PIGN: variants seen among roughly 807,000 people sequenced by gnomAD.
PIGN encodes phosphatidylinositol glycan anchor biosynthesis class N, also known as GPI ethanolamine phosphate transferase 1.
Under a neutral mutation model 125.4 loss-of-function variants are expected in PIGN, and 117 were observed. The observed-to-expected ratio is 0.93, with a 90% CI of 0.80 to 1.09. PIGN has a LOEUF of 1.09. Ranked by LOEUF, PIGN falls within the 50% of genes least tolerant of loss-of-function variation. The pLI is 0.00. For missense variants in PIGN, 1,075 were observed against 1,094.9 expected (o/e 0.98, Z 0.26); for synonymous variants, 392 against 377.8 (o/e 1.04, Z -0.44).
chr18:62,053,523 A>G (rs1178961698), intron 30 of PIGN, among the ~76,000 whole-genome samples: 2 of 152,224 alleles, frequency 1.3e-5, no homozygotes, highest in Admixed American at 6.5e-5. Flanking sequence ...AATAAAAAAC[A>G]TGACCGTGAC....
chr18:62,117,863 C>T (rs1347941463), intron 14 of PIGN, among the ~76,000 whole-genome samples: 2 of 152,024 alleles, frequency 1.3e-5, no homozygotes, highest in African/African-American at 4.8e-5. Context: ...TAATGATCTC[C>T]AGTTCCACCC....
chr18:62,171,318 A>T (rs1407135598), intron 1 of PIGN, among the ~76,000 whole-genome samples: 2 of 152,100 alleles, frequency 1.3e-5, no homozygotes, highest in African/African-American at 4.8e-5. Context: ...ATTGATCTTT[A>T]TATATTGACC....
intron 14 of PIGN, among the ~76,000 whole-genome samples, chr18:62,126,947 A>C (rs2035555799): frequency 6.6e-6 from 1 of 152,150 alleles, no homozygotes; most frequent in Non-Finnish European, 1.5e-5. Context: ...TACCTTAATG[A>C]TTCAACTTCC....
intron 14 of PIGN, among the ~76,000 whole-genome samples, chr18:62,122,144 A>G (rs2146788646): frequency 6.6e-6 from 1 of 152,288 alleles, no homozygotes; most frequent in South Asian, 2.1e-4. Context: ...TAGGATGACT[A>G]TGGTTAACAT....
chr18:62,085,970 A>G (rs934990944), intron 25 of PIGN, among the ~76,000 whole-genome samples: 8 of 152,236 alleles, frequency 5.3e-5, no homozygotes, highest in African/African-American at 1.9e-4. Context: ...AGTACGAATC[A>G]TGACAATTTT....
intron 23 of PIGN, among the ~76,000 whole-genome samples, chr18:62,091,566 T>C (rs972672236): frequency 7.2e-5 from 11 of 152,202 alleles, no homozygotes; most frequent in Non-Finnish European, 1.2e-4. Context: ...TGTAATATTG[T>C]TTACAGAAGC....
chr18:62,090,061 T>C (rs557007962), intron 24 of PIGN, among the ~76,000 whole-genome samples: 4 of 152,058 alleles, frequency 2.6e-5, no homozygotes, highest in Non-Finnish European at 5.9e-5. Context: ...AAAACAACAA[T>C]AGAAACGTAA....
chr18:62,105,287 C>CA lies in PIGN; in HGVS notation c.1859+255dup, dbSNP rs200304462. ...AGAAAGAAAACCTTCTAGACTTAAA[C>CA]AAAAAAAAATGGGCGGGATTTTAAG... On this transcript the variant is annotated intron_variant, in intron 20 of 30. Coordinates refer to ENST00000640252, the MANE Select transcript of PIGN (RefSeq NM_176787.5). The CA allele has an allele frequency of 4.5e-3, 1,145 of 254,638 alleles. 3 individuals carry two copies. Among genetic ancestry groups the CA allele is most frequent in the African/African-American group, 0.01 (452 of 44,070 alleles). 15.8% of individuals were successfully genotyped at this position (254,638 alleles called of 1,614,324 possible). A position where few individuals can be genotyped will look rare whatever the true frequency, so the allele number is the denominator to read the frequency against.
At chr18:62,084,472 G>T in intron 27 of PIGN, 59 bp downstream of exon 27, 1 of 1,100,436 alleles carries the variant, frequency 9.1e-7, no homozygotes, top group South Asian at 1.5e-5. Flanking sequence ...CTGTCTAAAT[G>T]ACTTTATAAT....
downstream of PIGN, among the ~76,000 whole-genome samples, chr18:62,040,544 A>G (rs1375365882): frequency 6.6e-6 from 1 of 152,208 alleles, no homozygotes; most frequent in Non-Finnish European, 1.5e-5. Context: ...TATCCAGGGT[A>G]CATACTGTCA....
chr18:62,177,389 C>T (rs1019882725), intron 1 of PIGN, among the ~76,000 whole-genome samples: 47 of 152,128 alleles, frequency 3.1e-4, no homozygotes, highest in African/African-American at 1.0e-3. Flanking sequence ...TCTTTTGATG[C>T]TCTTATCTCG....
At chr18:62,163,680 A>G (rs2037033066) in intron 1 of PIGN, 24 bp from the exon 2 acceptor site, 1 of 152,212 alleles carries the variant, frequency 6.6e-6, no homozygotes. Context: ...CATTAAAAAA[A>G]TTGTTAAAAA....
Position 62,041,693 on chromosome 18 carries a change from GTGTGTGTGTGTGTT to G in PIGN, c.*4149_*4162del, listed in dbSNP as rs2030387757. 1 of 150,922 alleles carries G rather than the reference GTGTGTGTGTGTGTT, an allele frequency of 6.6e-6. No homozygotes were observed. Among genetic ancestry groups the G allele is most frequent in the South Asian group, 2.1e-4 (1 of 4,726 alleles). 9.3% of individuals were successfully genotyped at this position (150,922 alleles called of 1,614,324 possible). A position where few individuals can be genotyped will look rare whatever the true frequency, so the allele number is the denominator to read the frequency against. On this transcript the variant is annotated 3_prime_UTR_variant, in exon 31 of 31. Coordinates refer to ENST00000640252, the MANE Select transcript of PIGN (RefSeq NM_176787.5). ...TGTGTGTGTGTGTGTGTGTGTGTGT[GTGTGTGTGTGTGTT>G]TAGTAGAGATGGGGTTTTGCCATCT...
At chr18:62,054,475 C>CA (rs2031569304) in intron 30 of PIGN, among the ~76,000 whole-genome samples, 1 of 141,686 alleles carries the variant, frequency 7.1e-6, no homozygotes, top group African/African-American at 2.6e-5. Flanking sequence ...CAACAAAATA[C>CA]TTTTTTTTTT....
At chr18:62,170,916 A>G (rs368056889) in intron 1 of PIGN, among the ~76,000 whole-genome samples, 1 of 151,574 alleles carries the variant, frequency 6.6e-6, no homozygotes, top group Non-Finnish European at 1.5e-5. Flanking sequence ...AGAAGATCAA[A>G]CCAGCCACAA....
chr18:62,141,652 G>A (rs55984021), intron 11 of PIGN, among the ~76,000 whole-genome samples: 36,172 of 151,926 alleles, frequency 0.24, 4,551 homozygotes, highest in Middle Eastern at 0.38. Flanking sequence ...ATCCACTGTC[G>A]GCCACCTCTA....
chr18:62,055,459 A>G (rs972829710), intron 30 of PIGN, among the ~76,000 whole-genome samples: 3 of 152,236 alleles, frequency 2.0e-5, no homozygotes, highest in African/African-American at 4.8e-5. Flanking sequence ...ACAGAAATGG[A>G]AAACATTAAA....
rs1263965977 is a variant in PIGN at position 62,113,209 on chromosome 18, T to A, written c.1359A>T (p.Gly453=). 2 of 1,612,820 alleles carry A rather than the reference T, an allele frequency of 1.2e-6. No homozygotes were observed. The highest frequency in any genetic ancestry group is 1.3e-5 in the African/African-American group (1 of 74,880). The change falls in exon 16 of 31, where the codon GGA becomes GGT. Residue 453 remains glycine, a synonymous_variant. Coordinates refer to ENST00000640252, the MANE Select transcript of PIGN (RefSeq NM_176787.5). ...LGVNVVIGFV[G]WISYASLLII... ...TCAACAAAGAGGCATAAGATATCCA[T>A]CCCACAAAACCAATAACAACATTGA...
Position 62,106,887 on chromosome 18 carries a change from AATGC to A in PIGN, c.1675-10_1675-7del. On this transcript the variant is annotated splice_polypyrimidine_tract_variant and splice_region_variant and intron_variant, in intron 18 of 30. Coordinates refer to ENST00000640252, the MANE Select transcript of PIGN (RefSeq NM_176787.5). ...CGGTAGAAAAAACTGAGAACCTAGTAATGCATTCCAAAGAAGGAATGAAAAATAA... is the reference window on the plus strand; with the variant it reads ...CGGTAGAAAAAACTGAGAACCTAGTAATTCCAAAGAAGGAATGAAAAATAA... 1.3e-6 allele frequency: 2 copies of A among 1,598,596 alleles called. No individual in the cohort carries two copies. Among genetic ancestry groups the A allele is most frequent in the Non-Finnish European group, 1.7e-6 (2 of 1,170,308 alleles).
Sources: allele counts gnomAD v4.1 joint callset (sites outside exome capture counted in the v4.1 genomes callset), GRCh38; gene constraint gnomAD v4.1.1; transcripts MANE v1.5; gene names NCBI Gene and HGNC (gene_info 2026-07-23, HGNC 2026-07-21).